R3HDM1: variants seen among roughly 807,000 people sequenced by gnomAD.
R3HDM1 encodes the protein R3H domain-containing protein 1.
R3HDM1 carries 46 observed loss-of-function variants against 141.1 expected under a neutral mutation model. The ratio of observed to expected loss-of-function variants is 0.33; its 90% CI spans 0.26 to 0.42. R3HDM1 has a LOEUF of 0.42. Among genes scored for constraint, R3HDM1 ranks in the 10% least tolerant of loss-of-function variants. R3HDM1 has a pLI of 1.00. For synonymous variants in R3HDM1, 435 were observed against 472.9 expected (o/e 0.92, Z 1.04); for missense variants, 1,184 against 1,368.3 (o/e 0.87, Z 2.12).
Position 135,606,174 on chromosome 2 carries a change from A to C in R3HDM1, c.171+1158A>C, listed in dbSNP as rs545832285. On this transcript the variant is annotated intron_variant, in intron 3 of 26. Coordinates refer to ENST00000683871, the MANE Select transcript of R3HDM1 (RefSeq NM_001378107.1). The stretch of plus-strand genomic sequence containing the variant: ...CTGGCACCTAGGTAGGCAAGGCTGC[A>C]GTGCTGGGCTCAGGTAGAACTAGAA... 9 of 152,386 alleles carry C rather than the reference A, an allele frequency of 5.9e-5. No homozygotes were observed. The East Asian group carries it at 1.7e-3, about 29-fold the overall frequency. The allele number at this position is 152,386 out of a possible 1,614,324, so 9.4% of individuals were successfully genotyped here. A position where few individuals can be genotyped will look rare whatever the true frequency, so the allele number is the denominator to read the frequency against.
chr2:135,599,819 C>T (rs1388946206), intron 1 of R3HDM1, among the ~76,000 whole-genome samples: 2 of 151,930 alleles, frequency 1.3e-5, no homozygotes, highest in Non-Finnish European at 2.9e-5. Flanking sequence ...ATTACTTGAG[C>T]GCAGGAATTT....
chr2:135,533,394 A>G (rs1695348208), intron 1 of R3HDM1, among the ~76,000 whole-genome samples: 1 of 152,264 alleles, frequency 6.6e-6, no homozygotes, highest in Non-Finnish European at 1.5e-5. Flanking sequence ...CTTAAGAGTT[A>G]ATTGATAAAT....
chr2:135,559,979 G>A (rs146688660), intron 1 of R3HDM1, among the ~76,000 whole-genome samples: 32 of 152,280 alleles, frequency 2.1e-4, no homozygotes, highest in Admixed American at 3.3e-4. Flanking sequence ...AATTCAGTTC[G>A]CATCTGTTCC....
intron 1 of R3HDM1, among the ~76,000 whole-genome samples, chr2:135,577,595 G>T (rs967031548): frequency 1.3e-4 from 20 of 151,960 alleles, no homozygotes; most frequent in African/African-American, 4.8e-4. Context: ...CAACACTTTG[G>T]GAGGCCAAGG....
At chr2:135,588,471 T>C (rs1446866255) in intron 1 of R3HDM1, among the ~76,000 whole-genome samples, 1 of 152,152 alleles carries the variant, frequency 6.6e-6, no homozygotes, top group East Asian at 1.9e-4. Flanking sequence ...ATACAGGTTT[T>C]CAGTTCATTG....
intron 19 of R3HDM1, among the ~76,000 whole-genome samples, chr2:135,674,162 A>G (rs1012020896): frequency 6.6e-6 from 1 of 152,240 alleles, no homozygotes; most frequent in African/African-American, 2.4e-5. Context: ...GCTAGATTTT[A>G]TTCAATTATT....
At chr2:135,710,784 A>T (rs2075537625) in intron 23 of R3HDM1, among the ~76,000 whole-genome samples, 1 of 152,272 alleles carries the variant, frequency 6.6e-6, no homozygotes. Flanking sequence ...ATAAGCATTT[A>T]TCCTACCTTT....
intron 16 of R3HDM1, chr2:135,649,195 A>G (rs2064845244): frequency 6.6e-6 from 1 of 151,906 alleles, no homozygotes; most frequent in African/African-American, 2.4e-5. Flanking sequence ...CCTCCCGAGT[A>G]GCTGGGCTAC....
At chr2:135,714,087 A>G (rs2075935584) in intron 23 of R3HDM1, among the ~76,000 whole-genome samples, 1 of 152,162 alleles carries the variant, frequency 6.6e-6, no homozygotes, top group Non-Finnish European at 1.5e-5. Flanking sequence ...GAGGAAAAGC[A>G]TAATTTTTTT....
Position 135,709,504 on chromosome 2 carries a change from G to C in R3HDM1, c.2531G>C (p.Ser844Thr). Reference sequence around the variant, plus strand: ...TTTCCTCGAACCACTTCACCATGCAGTTCCCAGCAGCTTCAAGGCCACCAA... The same window carrying C: ...TTTCCTCGAACCACTTCACCATGCACTTCCCAGCAGCTTCAAGGCCACCAA... ...VQFPRTTSPCSSQQLQGHQCT... is the reference protein window; with the variant it reads ...VQFPRTTSPCTSQQLQGHQCT... The change falls in exon 22 of 27, where the codon AGT (serine) becomes ACT (threonine). Residue 844 changes from serine (S) to threonine (T), a missense_variant. Ser to Thr is a moderately conservative substitution (Grantham distance 58). Transcript: ENST00000683871. The C allele has an allele frequency of 6.2e-7, 1 of 1,614,130 alleles. No homozygotes were observed. Among genetic ancestry groups the C allele is most frequent in the Non-Finnish European group, 8.5e-7 (1 of 1,180,012 alleles).
At chr2:135,616,056 G>T in intron 3 of R3HDM1, 96 bp from the exon 4 acceptor site, 1 of 1,204,122 alleles carries the variant, frequency 8.3e-7, no homozygotes, top group East Asian at 2.4e-5. Context: ...CATACTTTAT[G>T]CACAGTTAGT....
Position 135,641,602 on chromosome 2 carries a change from C to T in R3HDM1, c.1286C>T (p.Pro429Leu). 6.2e-7 allele frequency: 1 copy of T among 1,614,122 alleles called. No individual in the cohort carries two copies. Among genetic ancestry groups the T allele is most frequent in the Non-Finnish European group, 8.5e-7 (1 of 1,180,006 alleles). ...GSLSHIQQPLPGTALSQSSHG... is the reference protein window; with the variant it reads ...GSLSHIQQPLLGTALSQSSHG... ...CTTTCTCACATCCAGCAGCCTCTTC[C>T]AGGTACAGCTCTCAGCCAGTCTTCT... Residue 429 changes from proline to leucine, a missense_variant, in exon 15 of 27, where the codon CCA becomes CTA. Around this residue, in one of 5 missense-constraint regions of R3HDM1, gnomAD observed 240 missense variants for 312.3 expected, o/e 0.77. Transcript: ENST00000683871.
chr2:135,583,639 TA>T, intron 1 of R3HDM1: 1 of 735,652 alleles, frequency 1.4e-6, no homozygotes, highest in Non-Finnish European at 1.7e-6. Context: ...AAATTTCTTT[TA>T]AAAATTGTTA....
At chr2:135,680,417 A>T (rs2070061961) in intron 21 of R3HDM1, 93 bp downstream of exon 21, 1 of 1,336,116 alleles carries the variant, frequency 7.5e-7, no homozygotes, top group African/African-American at 1.5e-5. Flanking sequence ...AAGGGGCATT[A>T]CTTGAGAACA....
At position 135,638,005 on chromosome 2, in the gene R3HDM1, G is replaced by A. The variant is rs988384691; in HGVS notation, c.904-613G>A. Among the ~76,000 whole-genome samples the A allele has an allele frequency of 2.0e-5, 3 of 152,314 alleles. No homozygotes were observed. The East Asian group carries it at 5.8e-4, about 29-fold the overall frequency. On this transcript the variant is annotated intron_variant, in intron 11 of 26. Transcript: ENST00000683871. ...AGTAAAACTTTGTTTGCAGAAACAG[G>A]TGTCTCGCTATAGTTTGCTGACACT...
At chr2:135,705,123 A>G (rs2044615569) in intron 21 of R3HDM1, among the ~76,000 whole-genome samples, 1 of 152,242 alleles carries the variant, frequency 6.6e-6, no homozygotes, top group African/African-American at 2.4e-5. Flanking sequence ...ATAAATGGCA[A>G]CATGTATTAA....
intron 1 of R3HDM1, among the ~76,000 whole-genome samples, chr2:135,555,706 A>G (rs1035017361): frequency 1.1e-4 from 17 of 152,344 alleles, no homozygotes; most frequent in African/African-American, 3.4e-4. Flanking sequence ...TGTAATATCC[A>G]TGCAGTAGAA....
intron 6 of R3HDM1, 72 bp from the exon 7 acceptor site, chr2:135,622,582 A>C: frequency 6.7e-7 from 1 of 1,488,910 alleles, no homozygotes; most frequent in Non-Finnish European, 8.9e-7. Flanking sequence ...ATATATATAC[A>C]TCATGTGTAA....
intron 18 of R3HDM1, chr2:135,656,391 G>A (rs920954788): frequency 6.6e-6 from 1 of 151,670 alleles, no homozygotes; most frequent in Non-Finnish European, 1.5e-5. Flanking sequence ...CCAGATTCAG[G>A]TATGCCACAT....
Sources: gnomAD v4.1 joint callset for allele counts (sites outside exome capture counted in the v4.1 genomes callset) on GRCh38, gnomAD v4.1.1 for gene constraint, gnomAD v4.1.1 regional missense constraint, MANE v1.5 for transcripts, NCBI Gene and HGNC (gene_info 2026-07-23, HGNC 2026-07-21) for gene names.